Variants in PTN observed in about 807,000 individuals in gnomAD.
The protein encoded by PTN is heparin affin regulatory protein.
In PTN, 18 loss-of-function variants were observed where a neutral mutation model predicts 24.1. The observed-to-expected ratio is 0.75, with a 90% CI of 0.52 to 1.11. The LOEUF is 1.11. Ranked by LOEUF, PTN falls within the 50% of genes least tolerant of loss-of-function variation. The probability of loss-of-function intolerance (pLI) is 0.00; values close to 1 mark genes in which losing one functional copy is unlikely to be tolerated. For missense variants in PTN, 163 were observed against 198.8 expected (o/e 0.82, Z 1.08); for synonymous variants, 78 against 68.6 (o/e 1.14, Z -0.67).
At chr7:137,272,706 C>T (rs972950736) in intron 1 of PTN, among the ~76,000 whole-genome samples, 1 of 152,138 alleles carries the variant, frequency 6.6e-6, no homozygotes, top group Non-Finnish European at 1.5e-5. Flanking sequence ...TTTTAAGGAG[C>T]TATTTCTCTC....
At chr7:137,266,876 T>A (rs1809159416) in intron 1 of PTN, among the ~76,000 whole-genome samples, 1 of 149,570 alleles carries the variant, frequency 6.7e-6, no homozygotes, top group African/African-American at 2.4e-5. Flanking sequence ...GCCTTTTTTT[T>A]TTTTTTTTTT....
chr7:137,244,088 TATTA>T lies in PTN; in HGVS notation c.451+7138_451+7141del, dbSNP rs544348103. On this transcript the variant is annotated intron_variant, in intron 4 of 4. Transcript: ENST00000348225. ...TGTTTTAACTAATTTAATTAATCTA[TATTA>T]ATTAAACTCAATCTCTTTTCTTAAG... Among the ~76,000 whole-genome samples the T allele has an allele frequency of 1.1e-3, 160 of 152,286 alleles. 2 individuals carry two copies. Among genetic ancestry groups the T allele is most frequent in the Admixed American group, 8.8e-3 (135 of 15,288 alleles).
At chr7:137,322,522 A>G (rs1011601111) in intron 1 of PTN, among the ~76,000 whole-genome samples, 4 of 152,132 alleles carry the variant, frequency 2.6e-5, no homozygotes, top group African/African-American at 4.8e-5. Flanking sequence ...TAGGAAAATT[A>G]TGGTTTTTTT....
At chr7:137,240,769 T>C (rs1379219755) in intron 4 of PTN, among the ~76,000 whole-genome samples, 1 of 152,160 alleles carries the variant, frequency 6.6e-6, no homozygotes, top group Non-Finnish European at 1.5e-5. Context: ...CTAAAATTCA[T>C]TCACTTTCTT....
chr7:137,323,108 A>G (rs1012489500), intron 1 of PTN, among the ~76,000 whole-genome samples: 2 of 152,108 alleles, frequency 1.3e-5, no homozygotes, highest in Admixed American at 6.6e-5. Flanking sequence ...TTGTTGTCCA[A>G]TTTCTTCTTT....
chr7:137,323,952 ATC>A (rs1333266065), intron 1 of PTN, among the ~76,000 whole-genome samples: 13 of 152,190 alleles, frequency 8.5e-5, no homozygotes, highest in Non-Finnish European at 1.9e-4. Flanking sequence ...TAGACACTGA[ATC>A]AAAGAAATTA....
At chr7:137,243,530 G>T (rs2128869569) in intron 4 of PTN, among the ~76,000 whole-genome samples, 1 of 152,310 alleles carries the variant, frequency 6.6e-6, no homozygotes, top group South Asian at 2.1e-4. Flanking sequence ...TGGTAGATTT[G>T]CTCACTACAT....
intron 1 of PTN, among the ~76,000 whole-genome samples, chr7:137,338,983 G>C (rs1042142929): frequency 6.6e-6 from 1 of 151,354 alleles, no homozygotes; most frequent in African/African-American, 2.4e-5. Flanking sequence ...AGGAAGGCGG[G>C]AAACTGAAAT....
At chr7:137,317,496 C>T (rs1279299563) in intron 1 of PTN, among the ~76,000 whole-genome samples, 1 of 152,198 alleles carries the variant, frequency 6.6e-6, no homozygotes, top group Non-Finnish European at 1.5e-5. Context: ...TACTTCACAT[C>T]TCCTGACCAC....
intron 3 of PTN, among the ~76,000 whole-genome samples, chr7:137,253,061 A>G (rs547206896): frequency 1.8e-4 from 27 of 152,302 alleles, no homozygotes; most frequent in African/African-American, 6.5e-4. Context: ...AGAAGAAAGG[A>G]GAGAGAAGAC....
At chr7:137,286,529 T>C (rs915837091) in intron 1 of PTN, among the ~76,000 whole-genome samples, 4 of 152,174 alleles carry the variant, frequency 2.6e-5, no homozygotes, top group African/African-American at 9.7e-5. Flanking sequence ...CTTACGAATA[T>C]GTAAACCAAA....
chr7:137,277,763 T>G (rs1340361950), intron 1 of PTN, among the ~76,000 whole-genome samples: 1 of 152,072 alleles, frequency 6.6e-6, no homozygotes, highest in Non-Finnish European at 1.5e-5. Context: ...ATAGATAAGG[T>G]ACCACTATGC....
intron 1 of PTN, among the ~76,000 whole-genome samples, chr7:137,317,996 G>A (rs1023794202): frequency 2.6e-5 from 4 of 152,198 alleles, no homozygotes; most frequent in Admixed American, 6.5e-5. Flanking sequence ...GCCAGGCACT[G>A]TGGTTGACGC....
chr7:137,324,287 C>T (rs1199305027), intron 1 of PTN, among the ~76,000 whole-genome samples: 2 of 151,070 alleles, frequency 1.3e-5, no homozygotes, highest in African/African-American at 4.9e-5. Context: ...CTCAGCTACT[C>T]GGAACGTGGA....
At chr7:137,239,989 C>A (rs1206829179) in intron 4 of PTN, among the ~76,000 whole-genome samples, 1 of 152,098 alleles carries the variant, frequency 6.6e-6, no homozygotes, top group African/African-American at 2.4e-5. Context: ...GGACTTTGAA[C>A]TTCTGCTTGT....
At chr7:137,310,561 C>A (rs1239354106) in intron 1 of PTN, among the ~76,000 whole-genome samples, 2 of 151,936 alleles carry the variant, frequency 1.3e-5, no homozygotes, top group Middle Eastern at 3.2e-3. Flanking sequence ...CCATGCCCAG[C>A]TAATTTTTCT....
At chr7:137,261,084 T>C (rs1220319645) in intron 1 of PTN, among the ~76,000 whole-genome samples, 6 of 152,156 alleles carry the variant, frequency 3.9e-5, no homozygotes, top group Non-Finnish European at 8.8e-5. Context: ...TCACTTTTTC[T>C]TTTTTTAATG....
intron 1 of PTN, among the ~76,000 whole-genome samples, chr7:137,341,555 G>T (rs79506576): frequency 6.6e-6 from 1 of 152,012 alleles, no homozygotes; most frequent in African/African-American, 2.4e-5. Context: ...CTCATTTAAA[G>T]TCAGATAATT....
intron 1 of PTN, among the ~76,000 whole-genome samples, chr7:137,337,157 G>A (rs180777954): frequency 2.0e-5 from 3 of 152,284 alleles, no homozygotes; most frequent in Admixed American, 6.5e-5. Context: ...TACACATGAC[G>A]CTAGTTAATC....
Sources: gnomAD v4.1 joint callset for allele counts (sites outside exome capture counted in the v4.1 genomes callset) on GRCh38, gnomAD v4.1.1 for gene constraint, MANE v1.5 for transcripts, NCBI Gene and HGNC (gene_info 2026-07-23, HGNC 2026-07-21) for gene names.